The following LRIG1 variants were observed in gnomAD, a reference collection of about 807,000 sequenced individuals.
LRIG1 encodes leucine rich repeats and immunoglobulin like domains 1, also known as leucine-rich repeats and immunoglobulin-like domains protein 1.
In LRIG1, 48 loss-of-function variants were observed where a neutral mutation model predicts 99.2. That is an observed-to-expected ratio of 0.48 (90% CI 0.38 to 0.62). The LOEUF is 0.62. Ranked by LOEUF, LRIG1 falls within the 20% of genes least tolerant of loss-of-function variation. LRIG1 has a pLI of 0.00. For missense variants in LRIG1, 1,646 were observed against 1,434.4 expected (o/e 1.15, Z -2.38); for synonymous variants, 772 against 596.1 (o/e 1.29, Z -4.30).
chr3:66,469,549 C>G (rs946732627), intron 1 of LRIG1, among the ~76,000 whole-genome samples: 2 of 152,178 alleles, frequency 1.3e-5, no homozygotes, highest in Admixed American at 1.3e-4. Flanking sequence ...CCTCTGTGAT[C>G]CCATAAGGTC....
chr3:66,444,685 A>T (rs1703657774), intron 3 of LRIG1, among the ~76,000 whole-genome samples: 1 of 152,186 alleles, frequency 6.6e-6, no homozygotes, highest in Non-Finnish European at 1.5e-5. Context: ...AGACCCAGTG[A>T]CTTGTGTCTC....
At chr3:66,479,117 C>G (rs999465424) in intron 1 of LRIG1, among the ~76,000 whole-genome samples, 3 of 152,218 alleles carry the variant, frequency 2.0e-5, no homozygotes, top group African/African-American at 7.2e-5. Flanking sequence ...TAAACCTGTC[C>G]AGAGCAATTA....
chr3:66,454,993 G>A (rs1700179317), intron 2 of LRIG1, among the ~76,000 whole-genome samples: 2 of 152,220 alleles, frequency 1.3e-5, no homozygotes, highest in South Asian at 4.1e-4. Context: ...GGCCCAGGCT[G>A]GAGTACATTG....
intron 3 of LRIG1, among the ~76,000 whole-genome samples, chr3:66,443,018 G>C (rs1439619735): frequency 2.0e-5 from 3 of 152,164 alleles, no homozygotes; most frequent in African/African-American, 7.2e-5. Flanking sequence ...AGTCATGACT[G>C]TGTAATTTGG....
At position 66,500,222 on chromosome 3, in the gene LRIG1, C is replaced by G. The variant is rs1379729965; in HGVS notation, c.186G>C (p.Leu62Phe). 1 of 1,513,222 alleles carries G rather than the reference C, an allele frequency of 6.6e-7. No homozygotes were observed. The highest frequency in any genetic ancestry group is 1.4e-5 in the African/African-American group (1 of 69,940). 93.7% of individuals were successfully genotyped at this position (1,513,222 alleles called of 1,614,324 possible). ...GCGTCCAGGAGGGCAGGTCCCCGGGCAACGCAGCCAGCCCGCGCCCACCGC... is the reference window on the plus strand; with the variant it reads ...GCGTCCAGGAGGGCAGGTCCCCGGGGAACGCAGCCAGCCCGCGCCCACCGC... Reference protein sequence around the residue: ...LDCGGRGLAALPGDLPSWTRS... With the variant: ...LDCGGRGLAAFPGDLPSWTRS... Residue 62 changes from leucine to phenylalanine, a missense_variant, in exon 1 of 19, where the codon TTG (leucine) becomes TTC (phenylalanine). Leu to Phe is a conservative substitution (Grantham distance 22). Coordinates refer to ENST00000273261, the MANE Select transcript of LRIG1 (RefSeq NM_015541.3).
chr3:66,454,214 G>C (rs1277140011), intron 2 of LRIG1, among the ~76,000 whole-genome samples: 1 of 152,150 alleles, frequency 6.6e-6, no homozygotes, highest in Non-Finnish European at 1.5e-5. Context: ...GAGTAAGTCT[G>C]TTAGCTCCAC....
Position 66,384,061 on chromosome 3 carries a change from T to C in LRIG1, c.2001A>G (p.Ala667=). The C allele has an allele frequency of 1.2e-6, 2 of 1,614,058 alleles. No homozygotes were observed. Among genetic ancestry groups the C allele is most frequent in the Non-Finnish European group, 1.7e-6 (2 of 1,180,016 alleles). ...FFITDVKIDD[A]GVYSCTAQNS... The stretch of plus-strand genomic sequence containing the variant: ...TCTGAGCAGTACAGCTGTAAACCCC[T>C]GCGTCATCTATTTTCACATCAGTGA... Residue 667 remains alanine (A), a synonymous_variant, in exon 14 of 19, where the codon GCA becomes GCG. Transcript: ENST00000273261.
At chr3:66,391,836 A>G (rs79028338) in intron 12 of LRIG1, among the ~76,000 whole-genome samples, 2 of 152,244 alleles carry the variant, frequency 1.3e-5, no homozygotes, top group Non-Finnish European at 2.9e-5. Context: ...TCACTCATCT[A>G]AAGTATACAA....
chr3:66,462,457 A>C lies in LRIG1; in HGVS notation c.271T>G (p.Leu91Val). 1 of 1,612,846 alleles carries C rather than the reference A, an allele frequency of 6.2e-7. No homozygotes were observed. The highest frequency in any genetic ancestry group is 8.5e-7 in the Non-Finnish European group (1 of 1,179,410). Residue 91 changes from leucine to valine, a missense_variant, in exon 2 of 19, where the codon TTG becomes GTG. Coordinates refer to ENST00000273261, the MANE Select transcript of LRIG1 (RefSeq NM_015541.3). ...ACTCACACTTCCTGTAGGTTCGGCA[A>C]GTCCTCAAAACCAGCAGGGTCAATC... ...SEIDPAGFED[L>V]PNLQEVYLNN... is the part of the protein sequence containing the mutation.
Position 66,380,873 on chromosome 3 carries a change from C to A in LRIG1, c.2771-12G>T. ...CCGGCCACCGTGTTCTGAAGGACAG[C>A]GCCAAAGATGGGTTAGAGTCACTGC... is the stretch of plus-strand genomic sequence containing the variant. On this transcript the variant is annotated splice_polypyrimidine_tract_variant and intron_variant, in intron 17 of 18. Coordinates refer to ENST00000273261, the MANE Select transcript of LRIG1 (RefSeq NM_015541.3). The A allele has an allele frequency of 6.2e-7, 1 of 1,611,912 alleles. No homozygotes were observed. The highest frequency in any genetic ancestry group is 1.7e-4 in the Middle Eastern group (1 of 6,020).
chr3:66,435,617 G>C (rs1703329566), intron 3 of LRIG1, among the ~76,000 whole-genome samples: 1 of 152,066 alleles, frequency 6.6e-6, no homozygotes, highest in Non-Finnish European at 1.5e-5. Context: ...GTGAGGGCAA[G>C]AAGTAAATGA....
At chr3:66,406,393 C>T in intron 8 of LRIG1, 2 of 985,432 alleles carry the variant, frequency 2.0e-6, no homozygotes, top group Non-Finnish European at 2.4e-6. Flanking sequence ...TGAATGTTCC[C>T]AGCCTTGTTA....
chr3:66,411,432 C>G (rs958777349), intron 6 of LRIG1, among the ~76,000 whole-genome samples: 3 of 152,206 alleles, frequency 2.0e-5, no homozygotes, highest in African/African-American at 7.2e-5. Flanking sequence ...TCTGAGAATT[C>G]TCTTTTAACT....
chr3:66,480,505 C>T (rs1700824749), intron 1 of LRIG1, among the ~76,000 whole-genome samples: 1 of 151,896 alleles, frequency 6.6e-6, no homozygotes. Flanking sequence ...CCCACCTTAG[C>T]AGGCTCTCAG....
intron 2 of LRIG1, among the ~76,000 whole-genome samples, chr3:66,462,209 A>G (rs1296583566): frequency 6.6e-6 from 1 of 152,202 alleles, no homozygotes; most frequent in Non-Finnish European, 1.5e-5. Flanking sequence ...CCATGCGCCC[A>G]GGATTTCCAG....
intron 3 of LRIG1, among the ~76,000 whole-genome samples, chr3:66,432,197 C>T (rs1185272123): frequency 6.6e-6 from 1 of 152,142 alleles, no homozygotes; most frequent in Non-Finnish European, 1.5e-5. Context: ...CCACACAGAA[C>T]CTCCTCCTGA....
At chr3:66,385,456 GT>G (rs1415743194) in intron 13 of LRIG1, among the ~76,000 whole-genome samples, 1 of 94,000 alleles carries the variant, frequency 1.1e-5, no homozygotes, top group Non-Finnish European at 2.3e-5. Context: ...TTAATAACTA[GT>G]TTTTGTTTTG....
rs565607708 is a variant in LRIG1, at chr3:66,404,831, TACTG to T, written c.1160+363_1160+366del. Among the ~76,000 whole-genome samples the T allele has an allele frequency of 3.8e-3, 575 of 152,296 alleles. 5 individuals are homozygous for T. The highest frequency in any genetic ancestry group is 5.0e-3 in the Non-Finnish European group (340 of 68,012). ...CAGGAGCCCCACCGCCCTCACACCTTACTGACCTTTACACAACTTTGAGAAACCC... is the reference window on the plus strand; with the variant it reads ...CAGGAGCCCCACCGCCCTCACACCTTACCTTTACACAACTTTGAGAAACCC... On this transcript the variant is annotated intron_variant, in intron 9 of 18. Coordinates refer to ENST00000273261, the MANE Select transcript of LRIG1 (RefSeq NM_015541.3).
At chr3:66,398,268 C>A (rs1334853481) in intron 10 of LRIG1, 85 bp from the exon 11 acceptor site, 20 of 998,396 alleles carry the variant, frequency 2.0e-5, no homozygotes, top group Non-Finnish European at 3.0e-5. Context: ...TCACAGATGA[C>A]CCACAGGGAC....
Sources: gnomAD v4.1 joint callset for allele counts (sites outside exome capture counted in the v4.1 genomes callset) on GRCh38, gnomAD v4.1.1 for gene constraint, MANE v1.5 for transcripts, NCBI Gene and HGNC (gene_info 2026-07-23, HGNC 2026-07-21) for gene names.